Variants in PCNX2 observed in about 807,000 individuals in gnomAD.
The protein encoded by PCNX2 is pecanex 2, also known as pecanex-like protein 2.
PCNX2 carries 168 observed loss-of-function variants against 223.8 expected under a neutral mutation model. The observed-to-expected ratio is 0.75, with a 90% confidence interval of 0.66 to 0.85. The LOEUF is 0.85. Among genes scored for constraint, PCNX2 ranks in the 40% least tolerant of loss-of-function variants. The pLI, the probability that PCNX2 is intolerant of heterozygous loss-of-function variation, is 0.00. For synonymous variants in PCNX2, 1,006 were observed against 1,052.6 expected (o/e 0.96, Z 0.86); for missense variants, 2,507 against 2,675.5 (o/e 0.94, Z 1.39).
chr1:233,247,199 A>T lies in PCNX2; in HGVS notation c.2222+3540T>A, dbSNP rs151331852. ...CTTAACTGCTTTTCCAGAGCTGCCT[A>T]GGGAACAGCTTCAATGCTGTAATTT... On this transcript the variant is annotated intron_variant, in intron 8 of 33. Transcript: ENST00000258229. Among the ~76,000 whole-genome samples the T allele has an allele frequency of 2.8e-3, 429 of 152,354 alleles. 2 individuals are homozygous for T. Among genetic ancestry groups the T allele is most frequent in the African/African-American group, 0.01 (418 of 41,586 alleles).
At chr1:233,321,136 A>G in the PCNX2 span, among the ~76,000 whole-genome samples, 7 of 145,864 alleles carry the variant, frequency 4.8e-5, no homozygotes, top group African/African-American at 1.8e-4. Flanking sequence ...CTCCTGCCTC[A>G]GCCTCCCGAG....
chr1:233,146,027 G>A (rs996184283), intron 19 of PCNX2, among the ~76,000 whole-genome samples: 5 of 152,212 alleles, frequency 3.3e-5, no homozygotes, highest in South Asian at 2.1e-4. Flanking sequence ...ATGCTCATAC[G>A]CCACAATCCA....
At chr1:233,087,625 T>A (rs1673671329) in intron 23 of PCNX2, among the ~76,000 whole-genome samples, 1 of 152,206 alleles carries the variant, frequency 6.6e-6, no homozygotes, top group Admixed American at 6.5e-5. Context: ...TTCCTGTCAC[T>A]TCCTTTCCTG....
At chr1:233,148,783 T>C (rs182802327) in intron 19 of PCNX2, among the ~76,000 whole-genome samples, 51 of 152,354 alleles carry the variant, frequency 3.3e-4, no homozygotes, top group Middle Eastern at 3.4e-3. Flanking sequence ...CTTCAGTCTC[T>C]AGATGAGGAA....
chr1:233,191,320 G>A (rs1261614235), intron 15 of PCNX2, among the ~76,000 whole-genome samples: 1 of 152,122 alleles, frequency 6.6e-6, no homozygotes, highest in Non-Finnish European at 1.5e-5. Context: ...GAATACGAAC[G>A]TTTCAACTTC....
chr1:233,002,606 A>G (rs1670126888), intron 28 of PCNX2, among the ~76,000 whole-genome samples: 1 of 152,242 alleles, frequency 6.6e-6, no homozygotes, highest in African/African-American at 2.4e-5. Context: ...ATTCAATGCT[A>G]TCCCCATCAA....
chr1:233,247,877 C>CAAAA (rs57333423), intron 8 of PCNX2, among the ~76,000 whole-genome samples: 40 of 119,632 alleles, frequency 3.3e-4, no homozygotes, highest in African/African-American at 1.1e-3. Flanking sequence ...AACTCCGTCT[C>CAAAA]AAAAAAAAAA....
intron 32 of PCNX2, among the ~76,000 whole-genome samples, chr1:232,994,646 G>T (rs1247117267): frequency 6.6e-6 from 1 of 152,130 alleles, no homozygotes; most frequent in Non-Finnish European, 1.5e-5. Flanking sequence ...ATAATAATAT[G>T]GTTGAGCTCT....
rs1287148137 is a variant in PCNX2, at chr1:233,236,989, G to A, written c.2223-9C>T. On this transcript the variant is annotated splice_polypyrimidine_tract_variant and intron_variant, in intron 8 of 33. Transcript: ENST00000258229. ...AGCTGACCTGCATCTCTCTGAGGAT[G>A]GGCAAAACAAAAGCTTTGGTTACCT... 8 of 1,613,270 alleles carry A rather than the reference G, an allele frequency of 5.0e-6. No individual in the cohort carries two copies. Among genetic ancestry groups the A allele is most frequent in the Non-Finnish European group, 6.8e-6 (8 of 1,179,666 alleles).
intron 1 of PCNX2, among the ~76,000 whole-genome samples, chr1:233,281,252 G>A (rs566528871): frequency 6.6e-6 from 1 of 152,268 alleles, no homozygotes; most frequent in African/African-American, 2.4e-5. Flanking sequence ...TCTAATTGTA[G>A]TCTTGAAAAC....
intron 21 of PCNX2, among the ~76,000 whole-genome samples, chr1:233,109,582 A>C (rs1314585261): frequency 1.3e-5 from 2 of 152,226 alleles, no homozygotes; most frequent in East Asian, 3.8e-4. Context: ...AGTCGAGGAA[A>C]TAATCAGTGA....
intron 26 of PCNX2, chr1:233,019,011 G>A: frequency 1.0e-6 from 1 of 985,390 alleles, no homozygotes; most frequent in Non-Finnish European, 1.2e-6. Flanking sequence ...TCCCTCTCTG[G>A]CTCTTCCCTC....
intron 15 of PCNX2, among the ~76,000 whole-genome samples, chr1:233,198,720 A>G (rs1680879206): frequency 6.6e-6 from 1 of 152,120 alleles, no homozygotes; most frequent in Non-Finnish European, 1.5e-5. Context: ...TGCAGAGGGG[A>G]GGCCAGGCCA....
At chr1:233,226,546 G>A (rs1031098855) in intron 10 of PCNX2, among the ~76,000 whole-genome samples, 8 of 152,020 alleles carry the variant, frequency 5.3e-5, no homozygotes, top group South Asian at 2.1e-4. Flanking sequence ...CTGGGATTAC[G>A]GGCTTGACCC....
intron 21 of PCNX2, among the ~76,000 whole-genome samples, chr1:233,097,838 C>T (rs1316356372): frequency 3.9e-5 from 6 of 152,164 alleles, no homozygotes; most frequent in Non-Finnish European, 8.8e-5. Context: ...AAGTGAATAT[C>T]ATTTCCTTTT....
At chr1:233,105,710 C>T (rs1051897412) in intron 21 of PCNX2, among the ~76,000 whole-genome samples, 3 of 152,114 alleles carry the variant, frequency 2.0e-5, no homozygotes, top group African/African-American at 4.8e-5. Context: ...ATAAAGGAAA[C>T]GCAACAAGCC....
intron 1 of PCNX2, among the ~76,000 whole-genome samples, chr1:233,286,691 G>C (rs1366079989): frequency 6.6e-6 from 1 of 151,558 alleles, no homozygotes; most frequent in Admixed American, 6.6e-5. Flanking sequence ...AAGGAGAACA[G>C]AGTCTCTGAG....
chr1:233,096,822 G>A (rs1398526150), intron 21 of PCNX2, among the ~76,000 whole-genome samples: 2 of 152,156 alleles, frequency 1.3e-5, no homozygotes, highest in Non-Finnish European at 2.9e-5. Flanking sequence ...GGCAAGGGTT[G>A]GGCAATGGGG....
intron 13 of PCNX2, 76 bp from the exon 14 acceptor site, chr1:233,200,340 T>A: frequency 1.2e-5 from 10 of 841,202 alleles, no homozygotes; most frequent in Non-Finnish European, 1.6e-5. Flanking sequence ...GTGCTGTCTC[T>A]CTCCCCTTCC....
Sources: allele counts gnomAD v4.1 joint callset (sites outside exome capture counted in the v4.1 genomes callset), GRCh38; gene constraint gnomAD v4.1.1; transcripts MANE v1.5; gene names NCBI Gene and HGNC (gene_info 2026-07-23, HGNC 2026-07-21).